The following PPP1R9A variants were observed in gnomAD, a reference collection of about 807,000 sequenced individuals.
The protein encoded by PPP1R9A is neurabin-1.
In PPP1R9A, 59 loss-of-function variants were observed where a neutral mutation model predicts 141.9. That is an observed-to-expected ratio of 0.42 (90% CI 0.34 to 0.52). The LOEUF (loss-of-function observed/expected upper bound fraction) is 0.52, where lower values mean the gene tolerates loss of function less well. Ranked by LOEUF, PPP1R9A falls within the 20% of genes least tolerant of loss-of-function variation. The probability of loss-of-function intolerance (pLI) is 0.10; values close to 1 mark genes in which losing one functional copy is unlikely to be tolerated. For missense variants in PPP1R9A, 1,444 were observed against 1,611.9 expected (o/e 0.90, Z 1.78); for synonymous variants, 500 against 569.7 (o/e 0.88, Z 1.74).
At chr7:95,179,623 TA>T (rs759070917) in intron 5 of PPP1R9A, among the ~76,000 whole-genome samples, 58 of 152,154 alleles carry the variant, frequency 3.8e-4, no homozygotes, top group Middle Eastern at 3.4e-3. Flanking sequence ...TCAAAAACCC[TA>T]AAGACTCCTC....
intron 12 of PPP1R9A, among the ~76,000 whole-genome samples, chr7:95,264,426 A>G (rs1457491385): frequency 6.6e-6 from 1 of 152,184 alleles, no homozygotes; most frequent in African/African-American, 2.4e-5. Context: ...ACTTACGTCA[A>G]AAATAACGTC....
At chr7:95,025,533 T>A (rs1806699283) in intron 2 of PPP1R9A, among the ~76,000 whole-genome samples, 1 of 152,168 alleles carries the variant, frequency 6.6e-6, no homozygotes, top group Admixed American at 6.5e-5. Flanking sequence ...CCTTGGTGAA[T>A]CTGACGATTA....
At chr7:95,246,607 C>T (rs955394153) in intron 8 of PPP1R9A, among the ~76,000 whole-genome samples, 4 of 152,100 alleles carry the variant, frequency 2.6e-5, no homozygotes, top group Non-Finnish European at 2.9e-5. Context: ...GAAGATACAT[C>T]GTAACTACTT....
chr7:95,045,766 C>G (rs979522236), intron 2 of PPP1R9A, among the ~76,000 whole-genome samples: 2 of 151,874 alleles, frequency 1.3e-5, no homozygotes, highest in Admixed American at 1.3e-4. Context: ...CTGCTCATGC[C>G]TAACTACCTA....
chr7:95,080,868 A>G (rs1226062036), intron 2 of PPP1R9A, among the ~76,000 whole-genome samples: 1 of 152,220 alleles, frequency 6.6e-6, no homozygotes, highest in Non-Finnish European at 1.5e-5. Flanking sequence ...GAAAGTCAAA[A>G]CAGCAGAGAT....
At chr7:95,068,116 A>C (rs1303349008) in intron 2 of PPP1R9A, among the ~76,000 whole-genome samples, 2 of 152,178 alleles carry the variant, frequency 1.3e-5, no homozygotes, top group African/African-American at 4.8e-5. Context: ...AACTCCTAAA[A>C]TATTGCAAAC....
At chr7:94,956,999 T>A (rs994081352) in intron 2 of PPP1R9A, among the ~76,000 whole-genome samples, 2 of 152,168 alleles carry the variant, frequency 1.3e-5, no homozygotes, top group Non-Finnish European at 2.9e-5. Context: ...TTTTCACAAA[T>A]AAAGTGTTAA....
intron 5 of PPP1R9A, among the ~76,000 whole-genome samples, chr7:95,175,950 G>A (rs1399198211): frequency 3.3e-5 from 5 of 152,066 alleles, no homozygotes; most frequent in Middle Eastern, 3.2e-3. Flanking sequence ...GATCATGGCC[G>A]ACAGGAGGCA....
chr7:95,063,769 C>T (rs1415282002), intron 2 of PPP1R9A, among the ~76,000 whole-genome samples: 4 of 151,956 alleles, frequency 2.6e-5, no homozygotes, highest in African/African-American at 7.3e-5. Context: ...AGGAGAGTTG[C>T]GGAAATTTGT....
chr7:95,153,180 T>C (rs1829026942), intron 4 of PPP1R9A, among the ~76,000 whole-genome samples: 2 of 152,142 alleles, frequency 1.3e-5, no homozygotes, highest in Admixed American at 1.3e-4. Context: ...TGTCTTCAAG[T>C]GACAAGAATG....
At chr7:95,081,321 G>T (rs79794191) in intron 2 of PPP1R9A, among the ~76,000 whole-genome samples, 4,210 of 152,154 alleles carry the variant, frequency 0.028, 176 homozygotes, top group African/African-American at 0.083. Context: ...ACCCTGAAAT[G>T]ACATAAATGG....
chr7:94,962,444 A>C (rs1797738249), intron 2 of PPP1R9A, among the ~76,000 whole-genome samples: 1 of 152,018 alleles, frequency 6.6e-6, no homozygotes, highest in South Asian at 2.1e-4. Flanking sequence ...AAAATATTGT[A>C]AAATATTCAA....
chr7:95,258,402 A>G (rs1026083594), intron 12 of PPP1R9A, among the ~76,000 whole-genome samples: 6 of 152,236 alleles, frequency 3.9e-5, no homozygotes, highest in Non-Finnish European at 8.8e-5. Context: ...AGTTCATTGT[A>G]GATTCTGGAT....
In PPP1R9A at chr7:95,063,908, TG is replaced by T. The variant is rs1045145144; in HGVS notation, c.1396-47346del. ...ATAATACTTGTTTTGAAATTATGTG[TG>T]GGGGCAGGTTTTACCATGTTAATTC... On this transcript the variant is annotated intron_variant, in intron 2 of 19. Coordinates refer to ENST00000433360, the MANE Select transcript of PPP1R9A (RefSeq NM_001166160.2). 2.2e-4 allele frequency among the ~76,000 whole-genome samples: 33 copies of T among 152,318 alleles called. 1 individual carries two copies. The highest frequency in any genetic ancestry group is 6.5e-4 in the Admixed American group (10 of 15,296).
intron 10 of PPP1R9A, among the ~76,000 whole-genome samples, chr7:95,251,274 C>T (rs1394466366): frequency 1.3e-5 from 2 of 152,122 alleles, no homozygotes; most frequent in Admixed American, 1.3e-4. Context: ...CCCATATTAT[C>T]CTTAGGTCTA....
At chr7:95,062,658 G>C (rs896893008) in intron 2 of PPP1R9A, among the ~76,000 whole-genome samples, 1 of 151,962 alleles carries the variant, frequency 6.6e-6, no homozygotes, top group Admixed American at 6.5e-5. Flanking sequence ...AAAGTGCTGG[G>C]ATTACAGGTG....
At chr7:95,032,578 A>G (rs1434772217) in intron 2 of PPP1R9A, among the ~76,000 whole-genome samples, 3 of 152,128 alleles carry the variant, frequency 2.0e-5, no homozygotes, top group Non-Finnish European at 4.4e-5. Flanking sequence ...AAAGCAATAT[A>G]TCTTATTATA....
At chr7:95,278,958 G>A (rs1193007197) in intron 16 of PPP1R9A, among the ~76,000 whole-genome samples, 1 of 152,074 alleles carries the variant, frequency 6.6e-6, no homozygotes, top group East Asian at 1.9e-4. Flanking sequence ...ACTTCTTCAT[G>A]TTATTAGGAG....
At chr7:95,289,926 G>C (rs1362702907) in intron 19 of PPP1R9A, among the ~76,000 whole-genome samples, 165 bp from the exon 20 acceptor site, 7 of 152,116 alleles carry the variant, frequency 4.6e-5, no homozygotes, top group Admixed American at 4.6e-4. Context: ...AAAAATAAAG[G>C]GTAGCCCCCA....
Sources: allele counts gnomAD v4.1 joint callset (sites outside exome capture counted in the v4.1 genomes callset), GRCh38; gene constraint gnomAD v4.1.1; transcripts MANE v1.5; gene names NCBI Gene and HGNC (gene_info 2026-07-23, HGNC 2026-07-21).